Variants in ITIH3 observed in about 807,000 individuals in gnomAD.
ITIH3 encodes the protein inter-alpha-trypsin inhibitor heavy chain 3, also known as inter-alpha-trypsin inhibitor heavy chain H3.
Under a neutral mutation model 96.5 loss-of-function variants are expected in ITIH3, and 81 were observed. That is an observed-to-expected ratio of 0.84 (90% CI 0.70 to 1.01). ITIH3 has a LOEUF of 1.01. Ranked by LOEUF, ITIH3 falls within the 50% of genes least tolerant of loss-of-function variation. The probability of loss-of-function intolerance (pLI) is 0.00; values close to 1 mark genes in which losing one functional copy is unlikely to be tolerated. For missense variants in ITIH3, 1,057 were observed against 1,139.3 expected (o/e 0.93, Z 1.04); for synonymous variants, 422 against 445.2 (o/e 0.95, Z 0.66).
chr3:52,804,152 G>C, intron 14 of ITIH3, 143 bp downstream of exon 14: 1 of 811,362 alleles, frequency 1.2e-6, no homozygotes, highest in Non-Finnish European at 1.9e-6. Context: ...CCACGGGATG[G>C]GGAAAGTGGG....
chr3:52,804,390 T>C, intron 14 of ITIH3: 1 of 434,098 alleles, frequency 2.3e-6, no homozygotes. Context: ...GAAGAGTCCC[T>C]GAGAGCTGGA....
intron 6 of ITIH3, chr3:52,798,667 G>A: frequency 2.5e-6 from 1 of 405,536 alleles, no homozygotes; most frequent in Non-Finnish European, 4.5e-6. Context: ...AAGAAAAAGG[G>A]AGCTGGAAGC....
intron 21 of ITIH3, 131 bp from the exon 22 acceptor site, chr3:52,808,421 C>T (rs1700132571): frequency 1.5e-5 from 20 of 1,357,202 alleles, no homozygotes; most frequent in Non-Finnish European, 2.1e-5. Flanking sequence ...AATCATGTAA[C>T]TTCATTCTTG....
chr3:52,804,947 G>C (rs986008035), intron 15 of ITIH3: 1 of 614,390 alleles, frequency 1.6e-6, no homozygotes, highest in East Asian at 2.8e-5. Context: ...CCTTGCCCAG[G>C]GAGACACAAT....
chr3:52,799,723 G>T, intron 8 of ITIH3, 30 bp from the exon 9 acceptor site: 1 of 1,589,118 alleles, frequency 6.3e-7, no homozygotes. Flanking sequence ...CTCTGCTGCG[G>T]CTTCTCCCAG....
rs541479381 is a variant in ITIH3 at position 52,808,038 on chromosome 3, C to T, written c.2432-72C>T. 6.3e-6 allele frequency: 10 copies of T among 1,579,268 alleles called. No homozygotes were observed. The East Asian group carries it at 6.7e-5, about 11-fold the overall frequency. On this transcript the variant is annotated intron_variant, in intron 20 of 21. Transcript: ENST00000449956. Reference sequence around the variant, plus strand: ...CACCCCATTCAGCCTTTGCATCAACCCTGAAAGGCCAGTGGCCACGTTACC... The same window carrying T: ...CACCCCATTCAGCCTTTGCATCAACTCTGAAAGGCCAGTGGCCACGTTACC...
intron 20 of ITIH3, 40 bp downstream of exon 20, chr3:52,807,956 G>A (rs767926291): frequency 1.2e-6 from 2 of 1,600,932 alleles, no homozygotes; most frequent in South Asian, 2.2e-5. Flanking sequence ...AGGCCTGAGA[G>A]CAGCATGGGA....
intron 12 of ITIH3, 47 bp downstream of exon 12, chr3:52,802,566 C>G: frequency 6.2e-7 from 1 of 1,610,882 alleles, no homozygotes; most frequent in Non-Finnish European, 8.5e-7. Context: ...GGGGTATCAG[C>G]AGTGGTAGGG....
intron 5 of ITIH3, among the ~76,000 whole-genome samples, chr3:52,797,603 C>A (rs1035335217): frequency 6.6e-6 from 1 of 152,184 alleles, no homozygotes; most frequent in Non-Finnish European, 1.5e-5. Flanking sequence ...GAATTTCGGG[C>A]GCATATGGCA....
At chr3:52,802,069 T>C (rs1039132981) in intron 11 of ITIH3, 1 of 436,032 alleles carries the variant, frequency 2.3e-6, no homozygotes, top group East Asian at 3.8e-5. Flanking sequence ...TTCTTTGTGC[T>C]AAGAACTCTG....
chr3:52,805,258 C>A, intron 15 of ITIH3: 2 of 996,970 alleles, frequency 2.0e-6, no homozygotes, highest in Non-Finnish European at 2.4e-6. Flanking sequence ...CTCCCTGCCA[C>A]TAGGCAGGGC....
At chr3:52,807,585 G>A (rs527721291) in intron 19 of ITIH3, among the ~76,000 whole-genome samples, 162 bp from the exon 20 acceptor site, 54 of 152,340 alleles carry the variant, frequency 3.5e-4, no homozygotes, top group African/African-American at 1.3e-3. Context: ...GGGAGACAGT[G>A]TGCATGAGGC....
At position 52,797,810 on chromosome 3, in the gene ITIH3, A is replaced by G. The variant is rs770919801; in HGVS notation, c.550-7A>G. 2 of 1,582,702 alleles carry G rather than the reference A, an allele frequency of 1.3e-6. No individual in the cohort carries two copies. The highest frequency in any genetic ancestry group is 1.7e-6 in the Non-Finnish European group (2 of 1,160,176). Reference sequence around the variant, plus strand: ...TGAGTGACATTTCCTTACTTTGGCCATTTCAGATCGAGGTAGACATCTTCG... The same window carrying G: ...TGAGTGACATTTCCTTACTTTGGCCGTTTCAGATCGAGGTAGACATCTTCG... On this transcript the variant is annotated splice_polypyrimidine_tract_variant and splice_region_variant and intron_variant, in intron 5 of 21. Transcript: ENST00000449956.
intron 21 of ITIH3, 114 bp from the exon 22 acceptor site, chr3:52,808,438 G>T: frequency 7.0e-7 from 1 of 1,432,176 alleles, no homozygotes; most frequent in Non-Finnish European, 9.7e-7. Flanking sequence ...CTTGACCAAA[G>T]AATTCTGGGC....
Position 52,804,027 on chromosome 3 carries a change from G to A in ITIH3, c.1864+18G>A, listed in dbSNP as rs755110128. On this transcript the variant is annotated intron_variant, in intron 14 of 21. Transcript: ENST00000449956. ...TGGGGAAGGTGGGGATAGGGATGGA[G>A]GCCGGAACCCGGAGGCCTCCTGTGC... is the stretch of plus-strand genomic sequence containing the variant. 1.9e-6 allele frequency: 3 copies of A among 1,608,560 alleles called. No individual in the cohort carries two copies. The highest frequency in any genetic ancestry group is 4.5e-5 in the East Asian group (2 of 44,670).
At chr3:52,796,872 G>A in intron 4 of ITIH3, 29 bp downstream of exon 4, 1 of 1,474,526 alleles carries the variant, frequency 6.8e-7, no homozygotes, top group Non-Finnish European at 9.3e-7. Flanking sequence ...GCCTTGGGGA[G>A]AATGTCTGGG....
At chr3:52,800,924 C>T in intron 10 of ITIH3, 41 bp from the exon 11 acceptor site, 1 of 1,612,284 alleles carries the variant, frequency 6.2e-7, no homozygotes, top group South Asian at 1.1e-5. Flanking sequence ...AGACCATCCC[C>T]AGGGCTGGGG....
chr3:52,796,773 AAGG>A lies in ITIH3; in HGVS notation c.319_321del (p.Glu107del), dbSNP rs1414614283. ...CGGTGTTACCTACCCTGGGAATGTC[AAGG>A]AGAAGGAAGTTGCCAAGAAGCAGTA... is the stretch of plus-strand genomic sequence containing the variant. On this transcript the variant is annotated inframe_deletion, in exon 4 of 22. Coordinates refer to ENST00000449956, the MANE Select transcript of ITIH3 (RefSeq NM_002217.4). The A allele has an allele frequency of 1.2e-6, 2 of 1,612,894 alleles. No homozygotes were observed. Among genetic ancestry groups the A allele is most frequent in the Admixed American group, 1.7e-5 (1 of 59,904 alleles).
At position 52,797,096 on chromosome 3, in the gene ITIH3, C is replaced by T. The variant is rs376105665; in HGVS notation, c.387-9C>T. The stretch of plus-strand genomic sequence containing the variant: ...CTTTGAGGGAGTCACCATCTCGCAC[C>T]CTGGTCAGGGCCTCTGGGAGGAAGT... On this transcript the variant is annotated splice_polypyrimidine_tract_variant and intron_variant, in intron 4 of 21. Transcript: ENST00000449956. 3 of 1,606,474 alleles carry T rather than the reference C, an allele frequency of 1.9e-6. No individual in the cohort carries two copies. Among genetic ancestry groups the T allele is most frequent in the Admixed American group, 1.7e-5 (1 of 59,166 alleles).
Sources: allele counts gnomAD v4.1 joint callset (sites outside exome capture counted in the v4.1 genomes callset), GRCh38; gene constraint gnomAD v4.1.1; transcripts MANE v1.5; gene names NCBI Gene and HGNC (gene_info 2026-07-23, HGNC 2026-07-21).